RBP2: variants seen among roughly 807,000 people sequenced by gnomAD.
RBP2 encodes retinol binding protein 2.
In RBP2, 17 loss-of-function variants were observed where a neutral mutation model predicts 17.0. The observed-to-expected ratio is 1.00, with a 90% CI of 0.68 to 1.50. RBP2 has a LOEUF of 1.50. Among genes scored for constraint, RBP2 ranks in the 40% most tolerant of loss-of-function variants. RBP2 has a pLI of 0.00. For missense variants in RBP2, 158 were observed against 168.2 expected, an observed-to-expected ratio of 0.94 and a Z score of 0.33; for synonymous variants, 48 against 57.1, an observed-to-expected ratio of 0.84 and a Z score of 0.72.
chr3:139,464,368 G>C (rs887884815), intron 1 of RBP2, among the ~76,000 whole-genome samples: 2 of 152,140 alleles, frequency 1.3e-5, no homozygotes, highest in Non-Finnish European at 2.9e-5. Context: ...TGAGGCGGGA[G>C]AATCACTTGA....
At chr3:139,455,825 CAT>C (rs1309078070) in intron 2 of RBP2, among the ~76,000 whole-genome samples, 3 of 152,312 alleles carry the variant, frequency 2.0e-5, no homozygotes, top group East Asian at 3.9e-4. Flanking sequence ...AGCAGCAGAA[CAT>C]GTGCTGAACA....
chr3:139,476,177 G>T (rs1013789167), intron 1 of RBP2, among the ~76,000 whole-genome samples: 3 of 152,070 alleles, frequency 2.0e-5, no homozygotes, highest in Non-Finnish European at 4.4e-5. Flanking sequence ...AGGCATCCTA[G>T]ACATAATCTC....
At position 139,459,400 on chromosome 3, in the gene RBP2, A is replaced by ATGTGTGTG. The variant is rs57107462; in HGVS notation, c.252+2704_252+2711dup. Among the ~76,000 whole-genome samples the ATGTGTGTG allele has an allele frequency of 4.1e-3, 527 of 128,544 alleles. 2 individuals carry two copies. Among genetic ancestry groups the ATGTGTGTG allele is most frequent in the African/African-American group, 9.5e-3 (322 of 34,058 alleles). The allele number at this position is 128,544 out of a possible 152,430, so 84.3% of individuals were successfully genotyped here. ...GTGAAACCCTGTTTCTACTATATATATGTGTGTGTGTGTGTGTGTGTGTGT... is the reference window on the plus strand; with the variant it reads ...GTGAAACCCTGTTTCTACTATATATATGTGTGTGTGTGTGTGTGTGTGTGTGTGTGTGT... On this transcript the variant is annotated intron_variant, in intron 2 of 3. Transcript: ENST00000232217.
chr3:139,454,826 A>G lies in RBP2; in HGVS notation c.257T>C (p.Leu86Pro), dbSNP rs1198194605. ...AAGGACATCACCTTCCCAGGTGACC[A>G]GTGCCTGTAAAGACAGATTCCCAGG... is the stretch of plus-strand genomic sequence containing the variant. ...KSLDNRHVKALVTWEGDVLVC... is the reference protein window; with the variant it reads ...KSLDNRHVKAPVTWEGDVLVC... Residue 86 changes from leucine to proline, a missense_variant, in exon 3 of 4, where the codon CTG (leucine) becomes CCG (proline). Transcript: ENST00000232217. The G allele has an allele frequency of 6.2e-7, 1 of 1,613,948 alleles. No individual in the cohort carries two copies. Among genetic ancestry groups the G allele is most frequent in the East Asian group, 2.2e-5 (1 of 44,868 alleles).
chr3:139,471,521 G>A (rs1933569794), intron 1 of RBP2, among the ~76,000 whole-genome samples: 1 of 152,192 alleles, frequency 6.6e-6, no homozygotes, highest in East Asian at 1.9e-4. Flanking sequence ...TGAAAAAGAT[G>A]TTCTTCATAG....
At chr3:139,454,671 G>T in intron 3 of RBP2, 58 bp downstream of exon 3, 2 of 1,535,716 alleles carry the variant, frequency 1.3e-6, no homozygotes, top group South Asian at 2.2e-5. Flanking sequence ...CTGGCTAGGT[G>T]ACCACAGTAG....
intron 2 of RBP2, among the ~76,000 whole-genome samples, chr3:139,455,434 T>C (rs1943378994): frequency 6.6e-6 from 1 of 152,176 alleles, no homozygotes; most frequent in Non-Finnish European, 1.5e-5. Flanking sequence ...ATTCATCATA[T>C]GGTCAAAGAT....
intron 2 of RBP2, among the ~76,000 whole-genome samples, chr3:139,456,129 G>C (rs888770657): frequency 3.3e-5 from 5 of 152,148 alleles, no homozygotes; most frequent in Admixed American, 6.5e-5. Flanking sequence ...GGATGACCCT[G>C]ATGCTAGCTG....
chr3:139,462,420 A>G (rs1455449818), intron 1 of RBP2, 130 bp from the exon 2 acceptor site: 1 of 974,488 alleles, frequency 1.0e-6, no homozygotes, highest in East Asian at 2.5e-5. Context: ...TTAAGTGGGA[A>G]ACAAGCATCT....
intron 1 of RBP2, among the ~76,000 whole-genome samples, chr3:139,463,722 A>G (rs1933270406): frequency 6.6e-6 from 1 of 152,226 alleles, no homozygotes; most frequent in African/African-American, 2.4e-5. Flanking sequence ...TTTCCTTGCT[A>G]TGAAATCATC....
chr3:139,465,846 G>A (rs1435117046), intron 1 of RBP2, among the ~76,000 whole-genome samples: 4 of 152,286 alleles, frequency 2.6e-5, no homozygotes, highest in African/African-American at 9.6e-5. Flanking sequence ...AGCTCATTTC[G>A]CTTCACCTCT....
In RBP2 at chr3:139,454,724, C is replaced by T; in HGVS notation, c.354+5G>A. The T allele has an allele frequency of 6.2e-7, 1 of 1,613,516 alleles. No individual in the cohort carries two copies. Among genetic ancestry groups the T allele is most frequent in the Non-Finnish European group, 8.5e-7 (1 of 1,179,432 alleles). Reference sequence around the variant, plus strand: ...GAAGTGAGCTGAGCAGAACCCAGTACTTACCAGGTACAGCTTGTCCCCCTC... The same window carrying T: ...GAAGTGAGCTGAGCAGAACCCAGTATTTACCAGGTACAGCTTGTCCCCCTC... On this transcript the variant is annotated splice_donor_5th_base_variant and intron_variant, in intron 3 of 3. Transcript: ENST00000232217.
intron 1 of RBP2, among the ~76,000 whole-genome samples, chr3:139,471,185 TCATAGGTGCTCGATA>T (rs1203115806): frequency 6.6e-6 from 1 of 152,238 alleles, no homozygotes; most frequent in African/African-American, 2.4e-5. Context: ...TCCTGATTTG[TCATAGGTGCTCGATA>T]CATTTGTTGA....
At chr3:139,468,869 A>G (rs998187607) in intron 1 of RBP2, among the ~76,000 whole-genome samples, 1 of 152,162 alleles carries the variant, frequency 6.6e-6, no homozygotes, top group Non-Finnish European at 1.5e-5. Context: ...TCCAAAGGCA[A>G]GCTATTTCTG....
At chr3:139,472,497 G>T (rs1367706716) in intron 1 of RBP2, among the ~76,000 whole-genome samples, 2 of 152,168 alleles carry the variant, frequency 1.3e-5, no homozygotes, top group African/African-American at 4.8e-5. Flanking sequence ...CATGCAGCTT[G>T]TATCTCTTCT....
chr3:139,467,843 T>TA (rs972717189), intron 1 of RBP2, among the ~76,000 whole-genome samples: 1 of 152,184 alleles, frequency 6.6e-6, no homozygotes, highest in Non-Finnish European at 1.5e-5. Context: ...TGGTGGCTGA[T>TA]ACACTCTCTT....
Position 139,453,004 on chromosome 3 carries a change from T to C in RBP2, c.*112A>G. 8.1e-7 allele frequency: 1 copy of C among 1,240,358 alleles called. No homozygotes were observed. Among genetic ancestry groups the C allele is most frequent in the East Asian group, 2.3e-5 (1 of 42,918 alleles). 76.8% of individuals were successfully genotyped at this position (1,240,358 alleles called of 1,614,324 possible). A position where few individuals can be genotyped will look rare whatever the true frequency, so the allele number is the denominator to read the frequency against. ...CTGTTTAAAACCCACCCAGATGCCT[T>C]AATGGGGCTCTGTCAAGAGTGGGAA... On this transcript the variant is annotated 3_prime_UTR_variant, in exon 4 of 4. Transcript: ENST00000232217.
chr3:139,472,605 C>T (rs940965116), intron 1 of RBP2, among the ~76,000 whole-genome samples: 1 of 152,214 alleles, frequency 6.6e-6, no homozygotes, highest in African/African-American at 2.4e-5. Flanking sequence ...TGCCAGCCAG[C>T]ACCAACTGCC....
chr3:139,461,454 A>G (rs1192243661), intron 2 of RBP2, among the ~76,000 whole-genome samples: 6 of 152,176 alleles, frequency 3.9e-5, no homozygotes, highest in Non-Finnish European at 5.9e-5. Context: ...GGTTAAGGCA[A>G]TGCTAGGACA....
Sources: gnomAD v4.1 joint callset for allele counts (sites outside exome capture counted in the v4.1 genomes callset) on GRCh38, gnomAD v4.1.1 for gene constraint, MANE v1.5 for transcripts, NCBI Gene and HGNC (gene_info 2026-07-23, HGNC 2026-07-21) for gene names.